Variants in RCOR1 observed in about 807,000 individuals in gnomAD.
RCOR1 encodes the protein REST corepressor 1.
In RCOR1, 12 loss-of-function variants were observed where a neutral mutation model predicts 64.0. The observed-to-expected ratio is 0.19, with a 90% CI of 0.12 to 0.30. The LOEUF is 0.30. Among genes scored for constraint, RCOR1 ranks in the 10% least tolerant of loss-of-function variants. The pLI is 1.00. For synonymous variants in RCOR1, 279 were observed against 227.2 expected (o/e 1.23, Z -2.05); for missense variants, 502 against 621.2 (o/e 0.81, Z 2.04).
At chr14:102,711,826 A>G (rs887149910) in intron 7 of RCOR1, among the ~76,000 whole-genome samples, 17 of 152,212 alleles carry the variant, frequency 1.1e-4, no homozygotes, top group African/African-American at 4.1e-4. Flanking sequence ...GAAGAAAATT[A>G]AAGTGATTTA....
At chr14:102,654,786 G>GTT (rs570052553) in intron 2 of RCOR1, among the ~76,000 whole-genome samples, 1,749 of 118,286 alleles carry the variant, frequency 0.015, 41 homozygotes, top group African/African-American at 0.051. Flanking sequence ...CTGTGGTTGA[G>GTT]TTTTTTTTTT....
At chr14:102,660,637 G>A (rs1010739856) in intron 2 of RCOR1, among the ~76,000 whole-genome samples, 71 of 152,150 alleles carry the variant, frequency 4.7e-4, no homozygotes, top group African/African-American at 1.6e-3. Flanking sequence ...CCCACAGTTT[G>A]ATTAGAGATG....
At chr14:102,723,866 G>C (rs936267682) in intron 11 of RCOR1, among the ~76,000 whole-genome samples, 13 of 152,084 alleles carry the variant, frequency 8.5e-5, no homozygotes, top group African/African-American at 2.4e-4. Context: ...TTCCCTCTTC[G>C]CATTTGATCA....
chr14:102,684,073 C>A (rs537406863), intron 3 of RCOR1, among the ~76,000 whole-genome samples: 3 of 152,220 alleles, frequency 2.0e-5, no homozygotes, highest in Non-Finnish European at 4.4e-5. Context: ...TCGCAGGACC[C>A]GGCTGAGCGC....
chr14:102,625,048 T>A (rs978621955), intron 2 of RCOR1, among the ~76,000 whole-genome samples: 29 of 150,494 alleles, frequency 1.9e-4, no homozygotes, highest in East Asian at 7.8e-4. Context: ...AAAAGAAAAA[T>A]TATTTTTGTA....
chr14:102,673,789 GT>G (rs964138711), intron 2 of RCOR1, among the ~76,000 whole-genome samples: 14 of 151,904 alleles, frequency 9.2e-5, no homozygotes, highest in African/African-American at 3.4e-4. Context: ...CTAATGTTGT[GT>G]TTTTAGTAGA....
At position 102,730,318 on chromosome 14, in the gene RCOR1, T is replaced by G. The variant is rs544909557; in HGVS notation, c.*3812T>G. The G allele has an allele frequency of 1.1e-5, 3 of 273,742 alleles. No homozygotes were observed. In the South Asian group the frequency reaches 5.1e-4, roughly 47 times the overall value. The allele number at this position is 273,742 out of a possible 1,614,324, so 17.0% of individuals were successfully genotyped here. A position where few individuals can be genotyped will look rare whatever the true frequency, so the allele number is the denominator to read the frequency against. ...AAGTGATGAAATCCACGTTGGAATT[T>G]TAAAGAAAATATGTTGTAATAATGC... On this transcript the variant is annotated 3_prime_UTR_variant, in exon 12 of 12. Coordinates refer to ENST00000262241, the MANE Select transcript of RCOR1 (RefSeq NM_015156.4).
intron 3 of RCOR1, among the ~76,000 whole-genome samples, chr14:102,695,711 A>AT (rs765805364): frequency 0.024 from 2,940 of 123,138 alleles, 78 homozygotes; most frequent in East Asian, 0.073. Flanking sequence ...ATGCCCTGCT[A>AT]TTTTTTTTTT....
intron 2 of RCOR1, among the ~76,000 whole-genome samples, chr14:102,643,812 G>T (rs1265202710): frequency 6.6e-6 from 1 of 152,182 alleles, no homozygotes; most frequent in Non-Finnish European, 1.5e-5. Context: ...TCTATGAAGT[G>T]AAAGTTTGTA....
intron 5 of RCOR1, among the ~76,000 whole-genome samples, chr14:102,707,876 C>T (rs1215178290): frequency 1.3e-5 from 2 of 152,162 alleles, no homozygotes; most frequent in East Asian, 3.9e-4. Context: ...GCAACCTCCG[C>T]CTCCCGGGTT....
intron 2 of RCOR1, among the ~76,000 whole-genome samples, chr14:102,645,669 T>G (rs1040838591): frequency 2.6e-5 from 4 of 152,202 alleles, no homozygotes; most frequent in Admixed American, 6.5e-5. Context: ...TGCCAAAATC[T>G]GTTCCTTAGT....
chr14:102,662,359 A>G (rs551222041), intron 2 of RCOR1: 2 of 567,160 alleles, frequency 3.5e-6, no homozygotes, highest in Non-Finnish European at 3.4e-6. Context: ...CATCAATGTC[A>G]TAGAGCTTCT....
intron 2 of RCOR1, among the ~76,000 whole-genome samples, chr14:102,670,736 G>GATT (rs1482360554): frequency 5.3e-5 from 6 of 114,016 alleles, no homozygotes; most frequent in Non-Finnish European, 8.7e-5. Flanking sequence ...AAAATGACAA[G>GATT]ATTATTATAT....
intron 2 of RCOR1, among the ~76,000 whole-genome samples, chr14:102,608,627 G>T (rs1162068760): frequency 1.3e-5 from 2 of 151,834 alleles, no homozygotes; most frequent in Admixed American, 1.3e-4. Flanking sequence ...TAGAAATGGG[G>T]TTTCACCATT....
intron 2 of RCOR1, among the ~76,000 whole-genome samples, chr14:102,677,386 C>G (rs1447476222): frequency 4.9e-5 from 7 of 141,898 alleles, no homozygotes; most frequent in African/African-American, 1.7e-4. Context: ...CGGGCGGAGA[C>G]GCTCCTCACT....
chr14:102,641,050 G>A (rs1157069936), intron 2 of RCOR1, among the ~76,000 whole-genome samples: 2 of 151,860 alleles, frequency 1.3e-5, no homozygotes, highest in Non-Finnish European at 1.5e-5. Flanking sequence ...TCAGGAGATC[G>A]AGACCGTCCT....
intron 2 of RCOR1, among the ~76,000 whole-genome samples, chr14:102,644,254 AACTG>A (rs753902122): frequency 1.9e-4 from 29 of 152,352 alleles, no homozygotes; most frequent in Middle Eastern, 3.4e-3. Flanking sequence ...ATCGCAAGAA[AACTG>A]ACTATTAACT....
intron 2 of RCOR1, among the ~76,000 whole-genome samples, chr14:102,665,129 C>T (rs1362379787): frequency 6.6e-6 from 1 of 152,062 alleles, no homozygotes; most frequent in Non-Finnish European, 1.5e-5. Flanking sequence ...CCTCAGCCTC[C>T]CGAGTAGCTG....
Position 102,628,805 on chromosome 14 carries a change from C to T in RCOR1, c.361+35480C>T, listed in dbSNP as rs993510650. On this transcript the variant is annotated intron_variant, in intron 2 of 11. Transcript: ENST00000262241. Reference sequence around the variant, plus strand: ...CTGACCTCAAGTGATCCACCCACTTCGGCCTCCCAAAGTGCTGGGATTACA... The same window carrying T: ...CTGACCTCAAGTGATCCACCCACTTTGGCCTCCCAAAGTGCTGGGATTACA... 6.6e-5 allele frequency among the ~76,000 whole-genome samples: 10 copies of T among 152,282 alleles called. No individual in the cohort carries two copies. The South Asian group carries it at 1.7e-3, about 25-fold the overall frequency.
Sources: gnomAD v4.1 joint callset for allele counts (sites outside exome capture counted in the v4.1 genomes callset) on GRCh38, gnomAD v4.1.1 for gene constraint, MANE v1.5 for transcripts, NCBI Gene and HGNC (gene_info 2026-07-23, HGNC 2026-07-21) for gene names.